Variants in TTC34 observed in about 807,000 individuals in gnomAD.
TTC34 encodes tetratricopeptide repeat protein 34.
In TTC34, 44 loss-of-function variants were observed where a neutral mutation model predicts 40.7. The ratio of observed to expected loss-of-function variants is 1.08; its 90% CI spans 0.85 to 1.39. The LOEUF is 1.39. Among genes scored for constraint, TTC34 ranks in the 40% most tolerant of loss-of-function variants. The pLI is 0.00. For missense variants in TTC34, 884 were observed against 838.0 expected, an observed-to-expected ratio of 1.05 and a Z score of -0.68; for synonymous variants, 422 against 398.6, an observed-to-expected ratio of 1.06 and a Z score of -0.70.
chr1:2,693,168 C>G (rs551458136), intron 6 of TTC34, among the ~76,000 whole-genome samples: 2 of 93,156 alleles, frequency 2.1e-5, no homozygotes, highest in Non-Finnish European at 4.3e-5. Context: ...ATCTGACAGC[C>G]TGGGTCCGCA....
intron 5 of TTC34, 116 bp downstream of exon 5, chr1:2,785,703 G>T: frequency 2.5e-6 from 3 of 1,188,020 alleles, no homozygotes; most frequent in Non-Finnish European, 3.4e-6. Context: ...GGGTGTTCCT[G>T]AGGCCCCTGC....
At chr1:2,764,251 A>T (rs1318222946) in intron 6 of TTC34, among the ~76,000 whole-genome samples, 3 of 150,532 alleles carry the variant, frequency 2.0e-5, no homozygotes, top group Admixed American at 6.6e-5. Context: ...AGCCTGGAGC[A>T]GCACGCACAC....
chr1:2,777,409 C>G (rs1444358769), intron 6 of TTC34, among the ~76,000 whole-genome samples: 3 of 151,792 alleles, frequency 2.0e-5, no homozygotes, highest in Non-Finnish European at 2.9e-5. Flanking sequence ...TGGAACAGCA[C>G]TCCACACCTC....
chr1:2,775,740 G>A lies in TTC34; in HGVS notation c.2226+7869C>T, dbSNP rs1475283220. On this transcript the variant is annotated intron_variant, in intron 6 of 8. Coordinates refer to ENST00000401095, the Ensembl canonical transcript of TTC34. Reference sequence around the variant, plus strand: ...AGGTAAGTGTCTGACAGCCTAGAGCGGCACCTGCACACTTAGGTAAGAATC... The same window carrying A: ...AGGTAAGTGTCTGACAGCCTAGAGCAGCACCTGCACACTTAGGTAAGAATC... 7.5e-5 allele frequency: 11 copies of A among 145,994 alleles called. No individual in the cohort carries two copies. In the South Asian group the frequency reaches 8.4e-4, roughly 11 times the overall value. 9.0% of individuals were successfully genotyped at this position (145,994 alleles called of 1,614,324 possible).
At chr1:2,767,659 C>T (rs1284150484) in intron 6 of TTC34, among the ~76,000 whole-genome samples, 3 of 103,272 alleles carry the variant, frequency 2.9e-5, no homozygotes, top group African/African-American at 4.5e-5. Flanking sequence ...GGTGAGCATC[C>T]GACAGCGTGG....
In TTC34 at chr1:2,785,813, TC is replaced by T. The variant is rs767508099; in HGVS notation, c.2059+5del. On this transcript the variant is annotated splice_donor_5th_base_variant and intron_variant, in intron 5 of 8. Transcript: ENST00000401095. ...TGGGCCCTGGGGGCAGGTGGGCAGCTCCTACCTGCGGCAAAGATGGCCAGAG... is the reference window on the plus strand; with the variant it reads ...TGGGCCCTGGGGGCAGGTGGGCAGCTCTACCTGCGGCAAAGATGGCCAGAG... 212 of 1,542,954 alleles carry T rather than the reference TC, an allele frequency of 1.4e-4. No individual in the cohort carries two copies. In the South Asian group the frequency reaches 2.3e-3, roughly 17 times the overall value.
intron 6 of TTC34, among the ~76,000 whole-genome samples, chr1:2,780,390 C>T (rs1315733627): frequency 1.3e-5 from 2 of 152,194 alleles, no homozygotes; most frequent in African/African-American, 4.8e-5. Context: ...AGCTTCTCCC[C>T]TGTGCTTACT....
intron 2 of TTC34, among the ~76,000 whole-genome samples, 190 bp from the exon 3 acceptor site, chr1:2,790,536 G>C (rs1395831076): frequency 1.3e-5 from 2 of 152,176 alleles, no homozygotes; most frequent in Non-Finnish European, 2.9e-5. Flanking sequence ...CAGGAGGCCC[G>C]ACGCCCATGA....
chr1:2,783,629 G>C, exon 6 of TTC34: 1 of 1,449,498 alleles, frequency 6.9e-7, no homozygotes, highest in Middle Eastern at 1.8e-4. Context: ...TCTAGGGCCA[G>C]GTGCACCAAC....
intron 2 of TTC34, among the ~76,000 whole-genome samples, chr1:2,794,578 G>T (rs1643695497): frequency 6.6e-6 from 1 of 151,940 alleles, no homozygotes; most frequent in Admixed American, 6.6e-5. Context: ...TTCCTTTCTG[G>T]TCTTACATGT....
intron 6 of TTC34, among the ~76,000 whole-genome samples, chr1:2,692,000 T>C (rs1223686746): frequency 2.2e-4 from 14 of 64,250 alleles, no homozygotes; most frequent in South Asian, 4.8e-4. Flanking sequence ...GGCGAGCATC[T>C]GACAGCATGT....
intron 6 of TTC34, among the ~76,000 whole-genome samples, chr1:2,779,549 T>C (rs1643444977): frequency 6.6e-6 from 1 of 152,146 alleles, no homozygotes; most frequent in Admixed American, 6.6e-5. Flanking sequence ...GGTCTTGATC[T>C]CCTGACCTCG....
chr1:2,684,470 CCCACACACCCAGGCGAGCA>C (rs1640226749), intron 6 of TTC34, among the ~76,000 whole-genome samples: 2 of 146,562 alleles, frequency 1.4e-5, no homozygotes, highest in Non-Finnish European at 3.0e-5. Context: ...TGCAACAGCA[CCCACACACCCAGGCGAGCA>C]TCTGATGGCC....
At chr1:2,695,110 A>G (rs1640801828) in intron 6 of TTC34, among the ~76,000 whole-genome samples, 1 of 122,350 alleles carries the variant, frequency 8.2e-6, no homozygotes, top group African/African-American at 2.9e-5. Flanking sequence ...AACAGCACCC[A>G]TACGCCAAGA....
chr1:2,780,327 C>T lies in TTC34; in HGVS notation c.2226+3282G>A, dbSNP rs149085523. ...TCCAACTTTATTTTTTCTTTTGCTG[C>T]CTGTGCCTTTGTTGTTGTAGCCCAG... On this transcript the variant is annotated intron_variant, in intron 6 of 8. Transcript: ENST00000401095. Among the ~76,000 whole-genome samples, 1,074 of 152,234 alleles carry T rather than the reference C, an allele frequency of 7.1e-3. 11 individuals are homozygous for T. Among genetic ancestry groups the T allele is most frequent in the African/African-American group, 0.024 (1,007 of 41,532 alleles).
chr1:2,756,036 C>T (rs1325221785), intron 6 of TTC34, among the ~76,000 whole-genome samples: 13 of 86,158 alleles, frequency 1.5e-4, no homozygotes, highest in South Asian at 4.9e-4. Context: ...CCCAGGCGAG[C>T]ATCTGACAAC....
chr1:2,751,889 C>T lies in TTC34; in HGVS notation c.2226+31720G>A, dbSNP rs1423252444. 9.6e-5 allele frequency among the ~76,000 whole-genome samples: 8 copies of T among 83,346 alleles called. 1 individual carries two copies. Among genetic ancestry groups the T allele is most frequent in the Non-Finnish European group, 1.4e-4 (6 of 42,978 alleles). 54.7% of individuals were successfully genotyped at this position (83,346 alleles called of 152,430 possible). Reference sequence around the variant, plus strand: ...CCGACAGCCTGGAGCAGCACCCACACCCCCAGGTGAGCATCTGATGGTCTG... The same window carrying T: ...CCGACAGCCTGGAGCAGCACCCACATCCCCAGGTGAGCATCTGATGGTCTG... On this transcript the variant is annotated intron_variant, in intron 6 of 8. Coordinates refer to ENST00000401095, the Ensembl canonical transcript of TTC34.
chr1:2,698,475 C>A (rs1640970873), intron 6 of TTC34, among the ~76,000 whole-genome samples: 1 of 126,200 alleles, frequency 7.9e-6, no homozygotes. Flanking sequence ...CAGCCTGGAT[C>A]AGCACCCACA....
intron 6 of TTC34, among the ~76,000 whole-genome samples, chr1:2,687,064 G>T (rs1344127804): frequency 7.1e-6 from 1 of 141,822 alleles, no homozygotes; most frequent in African/African-American, 2.8e-5. Flanking sequence ...GCATCCGACA[G>T]CCTGGAGCAG....
Sources: gnomAD v4.1 joint callset for allele counts (sites outside exome capture counted in the v4.1 genomes callset) on GRCh38, gnomAD v4.1.1 for gene constraint, MANE v1.5 for transcripts, NCBI Gene and HGNC (gene_info 2026-07-23, HGNC 2026-07-21) for gene names.